The following CFAP47 variants were observed in gnomAD, a reference collection of about 807,000 sequenced individuals.
The protein encoded by CFAP47 is cilia- and flagella-associated protein 47.
In CFAP47, 29 loss-of-function variants were observed where a neutral mutation model predicts 148.1. That is an observed-to-expected ratio of 0.20 (90% CI 0.15 to 0.27). The LOEUF (loss-of-function observed/expected upper bound fraction) is 0.27, where lower values mean the gene tolerates loss of function less well. Among genes scored for constraint, CFAP47 ranks in the 10% least tolerant of loss-of-function variants. The pLI is 1.00. For missense variants in CFAP47, 1,872 were observed against 1,697.5 expected (o/e 1.10, Z -1.81); for synonymous variants, 664 against 577.3 (o/e 1.15, Z -2.15).
chrX:36,019,054 G>A (rs771007409), intron 22 of CFAP47, among the ~76,000 whole-genome samples: 1 of 111,591 alleles, frequency 9.0e-6, no homozygotes, highest in Non-Finnish European at 1.9e-5. Context: ...ATTTCCCCCT[G>A]GTTCTGCGGT....
At chrX:36,105,020 C>A (rs1938443023) in intron 33 of CFAP47, among the ~76,000 whole-genome samples, 1 of 111,712 alleles carries the variant, frequency 9.0e-6, no homozygotes, top group Non-Finnish European at 1.9e-5. Flanking sequence ...TGACACTGCT[C>A]AAACTTAGTA....
chrX:36,100,397 C>T lies in CFAP47; in HGVS notation c.5127+518C>T, dbSNP rs144889354. ...AAAACTATATTCACTAAGATTCATACAACTATAGGCAAAAGGTTTTTATGA... is the reference window on the plus strand; with the variant it reads ...AAAACTATATTCACTAAGATTCATATAACTATAGGCAAAAGGTTTTTATGA... On this transcript the variant is annotated intron_variant, in intron 32 of 63. Transcript: ENST00000378653. 2.7e-5 allele frequency among the ~76,000 whole-genome samples: 3 copies of T among 112,018 alleles called. No homozygotes were observed. The South Asian group carries it at 1.1e-3, about 42-fold the overall frequency.
intron 62 of CFAP47, chrX:36,374,763 G>T: frequency 5.3e-6 from 3 of 560,847 alleles, no homozygotes; most frequent in Non-Finnish European, 8.5e-6. Context: ...TTTCCATGAG[G>T]CATTTTATTT....
chrX:36,299,840 G>T (rs782025660), intron 52 of CFAP47, among the ~76,000 whole-genome samples: 1 of 111,947 alleles, frequency 8.9e-6, no homozygotes, highest in East Asian at 2.8e-4. Context: ...TCCTACAATA[G>T]AAACCAGTAA....
At chrX:36,298,465 C>T (rs1941265704) in intron 51 of CFAP47, among the ~76,000 whole-genome samples, 1 of 104,753 alleles carries the variant, frequency 9.5e-6, no homozygotes, top group African/African-American at 3.5e-5. Flanking sequence ...TGCTAGATGA[C>T]GAGTTAGTGG....
chrX:35,978,614 A>G (rs1401455391), intron 15 of CFAP47, among the ~76,000 whole-genome samples: 1 of 112,003 alleles, frequency 8.9e-6, no homozygotes. Flanking sequence ...CAAAAATATA[A>G]TCCTCAAATC....
chrX:36,220,425 A>G (rs1381674481), intron 45 of CFAP47, among the ~76,000 whole-genome samples: 5 of 110,586 alleles, frequency 4.5e-5, no homozygotes, highest in African/African-American at 1.3e-4. Context: ...ATGTATACAT[A>G]TATATGTTAT....
At chrX:36,272,276 T>G (rs782705553) in intron 49 of CFAP47, among the ~76,000 whole-genome samples, 1 of 112,125 alleles carries the variant, frequency 8.9e-6, no homozygotes, top group Non-Finnish European at 1.9e-5. Context: ...GAGGTAGAAG[T>G]GCGCCAGTTA....
intron 46 of CFAP47, among the ~76,000 whole-genome samples, chrX:36,235,589 G>A (rs1036234387): frequency 6.2e-5 from 7 of 112,356 alleles, no homozygotes; most frequent in Admixed American, 9.3e-5. Context: ...GCAATGCCTC[G>A]CCCTGCTTCG....
intron 8 of CFAP47, among the ~76,000 whole-genome samples, chrX:35,958,656 T>G (rs910976298): frequency 4.5e-5 from 5 of 112,022 alleles, no homozygotes; most frequent in Admixed American, 9.5e-5. Flanking sequence ...TTTCATGTAC[T>G]TATTGTCCAT....
At chrX:36,289,397 T>A (rs1304890494) in intron 51 of CFAP47, among the ~76,000 whole-genome samples, 1 of 111,445 alleles carries the variant, frequency 9.0e-6, no homozygotes, top group African/African-American at 3.3e-5. Context: ...CCTCATGAAA[T>A]GTTGAGGAAG....
At chrX:36,043,653 G>C (rs140681498) in intron 25 of CFAP47, among the ~76,000 whole-genome samples, 1,848 of 112,932 alleles carry the variant, frequency 0.016, 43 homozygotes, top group African/African-American at 0.057. Flanking sequence ...GGCCAGCTCT[G>C]TCCCTATGGC....
chrX:36,328,533 G>A (rs1402857258), intron 57 of CFAP47, among the ~76,000 whole-genome samples: 2 of 111,656 alleles, frequency 1.8e-5, no homozygotes, highest in African/African-American at 6.5e-5. Flanking sequence ...AATTGGGGCC[G>A]GGCGCGGTGG....
At chrX:36,329,273 G>C (rs1941544839) in intron 57 of CFAP47, among the ~76,000 whole-genome samples, 1 of 108,897 alleles carries the variant, frequency 9.2e-6, no homozygotes, top group Admixed American at 9.7e-5. Flanking sequence ...TAGTCTCTCT[G>C]ATAATATTCT....
chrX:36,262,537 T>G (rs1392339441), intron 49 of CFAP47, among the ~76,000 whole-genome samples: 1 of 112,330 alleles, frequency 8.9e-6, no homozygotes, highest in Non-Finnish European at 1.9e-5. Flanking sequence ...TTATTACAAA[T>G]AACAGGATCT....
intron 26 of CFAP47, among the ~76,000 whole-genome samples, chrX:36,049,499 C>CTT (rs1339508288): frequency 4.5e-4 from 48 of 106,342 alleles, no homozygotes; most frequent in African/African-American, 1.4e-3. Context: ...CACACACACA[C>CTT]ACACACACAC....
chrX:35,949,140 A>AGTGT (rs201452327), intron 4 of CFAP47, among the ~76,000 whole-genome samples: 1,075 of 86,955 alleles, frequency 0.012, 10 homozygotes, highest in African/African-American at 0.029. Flanking sequence ...GCATCTGTGG[A>AGTGT]GTGTGTGTGT....
At chrX:36,086,147 A>G (rs1257618002) in intron 30 of CFAP47, among the ~76,000 whole-genome samples, 1 of 112,181 alleles carries the variant, frequency 8.9e-6, no homozygotes, top group Non-Finnish European at 1.9e-5. Flanking sequence ...AAGATAGGAA[A>G]AATAATTGTC....
chrX:36,239,059 G>T (rs1555995440), intron 48 of CFAP47, among the ~76,000 whole-genome samples: 2 of 111,984 alleles, frequency 1.8e-5, no homozygotes. Flanking sequence ...ATTGCTGAAG[G>T]TTGAGACCTC....
Sources: allele counts gnomAD v4.1 joint callset (sites outside exome capture counted in the v4.1 genomes callset), GRCh38; gene constraint gnomAD v4.1.1; transcripts MANE v1.5; gene names NCBI Gene and HGNC (gene_info 2026-07-23, HGNC 2026-07-21).